ARHGAP23: variants seen among roughly 807,000 people sequenced by gnomAD.
The protein encoded by ARHGAP23 is rho GTPase-activating protein 23.
A neutral mutation model predicts 136.3 loss-of-function variants in ARHGAP23; 34 were observed. The observed-to-expected ratio is 0.25, with a 90% confidence interval of 0.19 to 0.33. The LOEUF is 0.33. Among genes scored for constraint, ARHGAP23 ranks in the 10% least tolerant of loss-of-function variants. The pLI, the probability that ARHGAP23 is intolerant of heterozygous loss-of-function variation, is 1.00. For synonymous variants in ARHGAP23, 832 were observed against 920.5 expected (o/e 0.90, Z 1.74); for missense variants, 1,808 against 2,139.0 (o/e 0.85, Z 3.05).
chr17:38,482,303 C>T (rs113038193), intron 15 of ARHGAP23, among the ~76,000 whole-genome samples, 160 bp downstream of exon 15: 42,111 of 152,200 alleles, frequency 0.28, 6,285 homozygotes, highest in East Asian at 0.37. Context: ...CCCCGGGCCT[C>T]CCAGGGAGGG....
chr17:38,438,458 T>C (rs1002733068), intron 1 of ARHGAP23, among the ~76,000 whole-genome samples: 4 of 152,020 alleles, frequency 2.6e-5, no homozygotes, highest in Admixed American at 1.3e-4. Flanking sequence ...TCTTAAGGGA[T>C]TGATGAATAC....
intron 17 of ARHGAP23, among the ~76,000 whole-genome samples, chr17:38,487,573 T>C (rs1457901632): frequency 4.6e-5 from 7 of 152,136 alleles, no homozygotes; most frequent in Admixed American, 3.3e-4. Context: ...ATAACTATTA[T>C]TGTTACTTGA....
chr17:38,488,513 AG>A, intron 17 of ARHGAP23, among the ~76,000 whole-genome samples: 1 of 152,278 alleles, frequency 6.6e-6, no homozygotes, highest in Non-Finnish European at 1.5e-5. Context: ...TTCACTTTGC[AG>A]TATAGAAACT....
intron 1 of ARHGAP23, among the ~76,000 whole-genome samples, chr17:38,445,240 G>T (rs1230239064): frequency 6.6e-6 from 1 of 151,340 alleles, no homozygotes; most frequent in Non-Finnish European, 1.5e-5. Flanking sequence ...GCCGAGGTGG[G>T]CAGATCACGA....
intron 1 of ARHGAP23, among the ~76,000 whole-genome samples, chr17:38,441,811 A>G (rs578202015): frequency 6.6e-6 from 1 of 152,172 alleles, no homozygotes; most frequent in East Asian, 1.9e-4. Context: ...GGATGTGGGG[A>G]GCAGGCTCTG....
chr17:38,500,228 G>A (rs185010166), intron 22 of ARHGAP23: 26 of 303,118 alleles, frequency 8.6e-5, no homozygotes, highest in African/African-American at 5.0e-4. Flanking sequence ...TCCATGGACT[G>A]CACCTGATAT....
At chr17:38,464,922 A>G (rs759199304) in intron 6 of ARHGAP23, among the ~76,000 whole-genome samples, 6 of 152,090 alleles carry the variant, frequency 3.9e-5, no homozygotes, top group Non-Finnish European at 8.8e-5. Flanking sequence ...TGCTGACGCC[A>G]CCACCGACGC....
At chr17:38,506,337 C>A (rs1035446374) in intron 23 of ARHGAP23, among the ~76,000 whole-genome samples, 4 of 152,178 alleles carry the variant, frequency 2.6e-5, no homozygotes. Flanking sequence ...CAGCAAGTCG[C>A]CTGCTCCAGA....
intron 23 of ARHGAP23, among the ~76,000 whole-genome samples, chr17:38,508,564 G>T (rs2040683895): frequency 6.6e-6 from 1 of 152,204 alleles, no homozygotes; most frequent in Admixed American, 6.5e-5. Flanking sequence ...GCTTCAGAAT[G>T]GTGGCTCTGG....
At chr17:38,480,797 C>A (rs1449867010) in intron 14 of ARHGAP23, among the ~76,000 whole-genome samples, 1 of 140,484 alleles carries the variant, frequency 7.1e-6, no homozygotes, top group African/African-American at 2.7e-5. Context: ...GAGTGAGACC[C>A]TGTCTCAAAA....
At chr17:38,438,478 A>G (rs1322715995) in intron 1 of ARHGAP23, among the ~76,000 whole-genome samples, 1 of 152,186 alleles carries the variant, frequency 6.6e-6, no homozygotes, top group Non-Finnish European at 1.5e-5. Flanking sequence ...CAAGGCCCAG[A>G]ATAGAGGGAG....
chr17:38,491,214 G>A (rs566464909), intron 19 of ARHGAP23, among the ~76,000 whole-genome samples, 193 bp from the exon 20 acceptor site: 2 of 152,238 alleles, frequency 1.3e-5, no homozygotes, highest in African/African-American at 4.8e-5. Context: ...TGGCTGCTGG[G>A]CCTGGGGATG....
At chr17:38,475,074 A>G (rs142107294) in intron 11 of ARHGAP23, among the ~76,000 whole-genome samples, 6 of 152,284 alleles carry the variant, frequency 3.9e-5, no homozygotes, top group Non-Finnish European at 8.8e-5. Context: ...CCAAAACCCG[A>G]TATCACTTGT....
chr17:38,509,899 G>A, intron 23 of ARHGAP23, 45 bp from the exon 24 acceptor site: 2 of 1,235,066 alleles, frequency 1.6e-6, no homozygotes, highest in Non-Finnish European at 2.0e-6. Flanking sequence ...TCGGCAGGGG[G>A]CCGAGTCCGG....
chr17:38,444,625 G>T (rs8182313), intron 1 of ARHGAP23, among the ~76,000 whole-genome samples: 37,101 of 151,940 alleles, frequency 0.24, 4,688 homozygotes, highest in East Asian at 0.43. Context: ...CCAGGTTCAG[G>T]CTGGGCGATC....
rs1271817460 is a variant in ARHGAP23 at position 38,510,049 on chromosome 17, C to T, written c.3553C>T (p.Leu1185=). The T allele has an allele frequency of 8.0e-7, 1 of 1,243,148 alleles. No individual in the cohort carries two copies. The highest frequency in any genetic ancestry group is 1.0e-6 in the Non-Finnish European group (1 of 994,554). The allele number at this position is 1,243,148 out of a possible 1,614,324, so 77.0% of individuals were successfully genotyped here. Reference sequence around the variant, plus strand: ...CAAGAAGCGGCGGGAGGCGCGGGGGCTGGGCAGCAGCACCGACGACGACTC... The same window carrying T: ...CAAGAAGCGGCGGGAGGCGCGGGGGTTGGGCAGCAGCACCGACGACGACTC... ...KRKKRREARG[L]GSSTDDDSEQ... The change falls in exon 24 of 24, where the codon CTG becomes TTG. Residue 1185 remains leucine (L), a synonymous_variant. Coordinates refer to ENST00000622683, the MANE Select transcript of ARHGAP23 (RefSeq NM_001199417.2). The surrounding 1 kb of genome is among the most constrained non-coding windows in gnomAD (Gnocchi z 4.6).
upstream of ARHGAP23, among the ~76,000 whole-genome samples, chr17:38,427,462 G>GAAAAGAAAA (rs2038586644): frequency 6.9e-6 from 1 of 144,710 alleles, no homozygotes. Flanking sequence ...AGACCCTGCC[G>GAAAAGAAAA]AAAAAAAAAA....
intron 7 of ARHGAP23, among the ~76,000 whole-genome samples, chr17:38,468,005 G>A (rs1207765980): frequency 6.6e-6 from 1 of 152,252 alleles, no homozygotes; most frequent in Non-Finnish European, 1.5e-5. Flanking sequence ...TGGGATGGGC[G>A]TGTCGTGGGA....
At chr17:38,471,518 G>C (rs1375307187) in intron 10 of ARHGAP23, among the ~76,000 whole-genome samples, 1 of 152,102 alleles carries the variant, frequency 6.6e-6, no homozygotes, top group East Asian at 1.9e-4. Flanking sequence ...CACTTCCCCT[G>C]TTTATTTAAC....
Sources: gnomAD v4.1 joint callset for allele counts (sites outside exome capture counted in the v4.1 genomes callset) on GRCh38, gnomAD v4.1.1 for gene constraint, Gnocchi (gnomAD v3.1) non-coding constraint, MANE v1.5 for transcripts, NCBI Gene and HGNC (gene_info 2026-07-23, HGNC 2026-07-21) for gene names.